The following COL6A3 variants were observed in gnomAD, a reference collection of about 807,000 sequenced individuals.
The protein encoded by COL6A3 is collagen alpha-3(VI) chain.
A neutral mutation model predicts 274.1 loss-of-function variants in COL6A3; 137 were observed. That is an observed-to-expected ratio of 0.50 (90% CI 0.44 to 0.58). COL6A3 has a LOEUF of 0.58. Among genes scored for constraint, COL6A3 ranks in the 20% least tolerant of loss-of-function variants. COL6A3 has a pLI of 0.00. For missense variants in COL6A3, 3,950 were observed against 4,124.9 expected (o/e 0.96, Z 1.16); for synonymous variants, 1,650 against 1,650.6 (o/e 1.00, Z 0.01).
intron 3 of COL6A3, 130 bp from the exon 4 acceptor site, chr2:237,388,314 T>C: frequency 3.5e-6 from 4 of 1,148,974 alleles, no homozygotes; most frequent in Non-Finnish European, 5.1e-6. Context: ...AAACACATGT[T>C]GATGAAGGAA....
Position 237,361,955 on chromosome 2 carries a change from C to T in COL6A3, c.6064-124G>A. On this transcript the variant is annotated intron_variant, in intron 14 of 43. Coordinates refer to ENST00000295550, the MANE Select transcript of COL6A3 (RefSeq NM_004369.4). The surrounding 1 kb of genome is among the most constrained non-coding windows in gnomAD (Gnocchi z 5.1). ...TTCACGGTGTGAGATGAAGTCCCTC[C>T]AGGTGACATTTGCTGGACGACTGAC... is the stretch of plus-strand genomic sequence containing the variant. 1.2e-6 allele frequency: 1 copy of T among 859,816 alleles called. No homozygotes were observed. The highest frequency in any genetic ancestry group is 1.9e-6 in the Non-Finnish European group (1 of 513,220). 53.3% of individuals were successfully genotyped at this position (859,816 alleles called of 1,614,324 possible).
chr2:237,366,601 C>G (rs752699832), intron 11 of COL6A3, 86 bp downstream of exon 11: 4 of 1,605,452 alleles, frequency 2.5e-6, no homozygotes, highest in Non-Finnish European at 3.4e-6. Context: ...CTAAGGACTC[C>G]AGAGGTCAGC....
At chr2:237,355,000 C>T (rs771802238) in intron 23 of COL6A3, 66 bp from the exon 24 acceptor site, 2 of 1,408,776 alleles carry the variant, frequency 1.4e-6, no homozygotes, top group Non-Finnish European at 2.0e-6. Context: ...GGGCCTAGAG[C>T]TCTTTCAGAC....
chr2:237,333,574 C>T (rs765973082), intron 41 of COL6A3, 26 bp from the exon 42 acceptor site: 5 of 1,592,708 alleles, frequency 3.1e-6, no homozygotes, highest in Non-Finnish European at 4.3e-6. Flanking sequence ...ATATGCAACT[C>T]GTAGGTAAAT....
intron 20 of COL6A3, among the ~76,000 whole-genome samples, 188 bp downstream of exon 20, chr2:237,358,847 C>T (rs906667099): frequency 3.3e-5 from 5 of 152,022 alleles, no homozygotes; most frequent in Admixed American, 1.3e-4. Context: ...GATGTGATCT[C>T]GAAACAAGAA....
intron 31 of COL6A3, among the ~76,000 whole-genome samples, chr2:237,347,259 CTGAGACCTTGGCAACAGAG>C (rs2077116410): frequency 6.6e-6 from 1 of 152,006 alleles, no homozygotes; most frequent in African/African-American, 2.4e-5. Context: ...AGATGACAGA[CTGAGACCTTGGCAACAGAG>C]TGAGACCTTG....
At chr2:237,332,070 CATATATATATATAT>C (rs58082340) in intron 42 of COL6A3, among the ~76,000 whole-genome samples, 4,356 of 35,148 alleles carry the variant, frequency 0.12, 526 homozygotes, top group Non-Finnish European at 0.22. Flanking sequence ...TCTCTCTCTA[CATATATATATATAT>C]ATATATATAT....
intron 20 of COL6A3, 75 bp downstream of exon 20, chr2:237,358,960 G>T: frequency 1.9e-6 from 3 of 1,550,514 alleles, no homozygotes; most frequent in African/African-American, 1.4e-5. Context: ...TGTATATGAG[G>T]AAAGAAAATA....
chr2:237,380,181 C>T (rs553445256), intron 5 of COL6A3, among the ~76,000 whole-genome samples: 5 of 152,264 alleles, frequency 3.3e-5, no homozygotes, highest in African/African-American at 4.8e-5. Flanking sequence ...AAGCATGCAT[C>T]CAGGCAGCAT....
chr2:237,397,139 A>AAGGAAGGAGAAGG (rs2078466421), intron 1 of COL6A3, among the ~76,000 whole-genome samples: 1 of 143,388 alleles, frequency 7.0e-6, no homozygotes, highest in African/African-American at 2.7e-5. Context: ...GGAAGGAAGG[A>AAGGAAGGAGAAGG]GAAGGGAAGG....
At chr2:237,346,063 A>G (rs2077091360) in intron 32 of COL6A3, among the ~76,000 whole-genome samples, 1 of 152,236 alleles carries the variant, frequency 6.6e-6, no homozygotes, top group Non-Finnish European at 1.5e-5. Flanking sequence ...TCCTGGTGGC[A>G]GCATGACTAG....
chr2:237,405,199 G>A (rs924031179), intron 1 of COL6A3, among the ~76,000 whole-genome samples: 2 of 152,120 alleles, frequency 1.3e-5, no homozygotes, highest in Non-Finnish European at 2.9e-5. Flanking sequence ...TCCCAGGTGG[G>A]AAAAACGCCT....
rs2106405637 is a variant in COL6A3 at position 237,407,951 on chromosome 2, A to T, written c.-31+6002T>A. Among the ~76,000 whole-genome samples the T allele has an allele frequency of 6.6e-6, 1 of 152,300 alleles. No individual in the cohort carries two copies. Among genetic ancestry groups the T allele is most frequent in the African/African-American group, 2.4e-5 (1 of 41,552 alleles). ...TGCCACGTGACGCTGCTGGATCCAA[A>T]TTGGAGCTTGGCACTTATTCCTGTC... On this transcript the variant is annotated intron_variant, in intron 1 of 43. Coordinates refer to ENST00000295550, the MANE Select transcript of COL6A3 (RefSeq NM_004369.4). The surrounding 1 kb of genome is among the most constrained non-coding windows in gnomAD (Gnocchi z 4.3).
rs1269973980 is a variant in COL6A3, at chr2:237,344,654, G to T, written c.7364C>A (p.Thr2455Asn). The T allele has an allele frequency of 1.9e-6, 3 of 1,613,632 alleles. No individual in the cohort carries two copies. The highest frequency in any genetic ancestry group is 1.3e-5 in the African/African-American group (1 of 74,884). ...GGAGTCAGCAAACCGGATCTCCGTG[G>T]TCACCTCGTTGTTGTAGGTGACCAC... ...VAVVTYNNEVTTEIRFADSKR... is the reference protein window; with the variant it reads ...VAVVTYNNEVNTEIRFADSKR... The change falls in exon 36 of 44, where the codon ACC (threonine) becomes AAC (asparagine). Residue 2455 changes from threonine to asparagine, a missense_variant. Thr to Asn is a moderately conservative substitution (Grantham distance 65). This residue lies in a region of COL6A3 where 1,284 missense variants were observed against 1,349.7 expected (regional missense o/e 0.95). Transcript: ENST00000295550. The surrounding 1 kb of genome is among the most constrained non-coding windows in gnomAD (Gnocchi z 4.8).
intron 9 of COL6A3, among the ~76,000 whole-genome samples, chr2:237,370,911 A>G (rs950080231): frequency 2.6e-5 from 4 of 152,214 alleles, no homozygotes; most frequent in Non-Finnish European, 5.9e-5. Flanking sequence ...ATGAGACCAC[A>G]TTGTAACCCT....
Position 237,364,443 on chromosome 2 carries a change from G to T in COL6A3, c.5839-15C>A. 1 of 1,604,480 alleles carries T rather than the reference G, an allele frequency of 6.2e-7. No individual in the cohort carries two copies. Among genetic ancestry groups the T allele is most frequent in the Non-Finnish European group, 8.5e-7 (1 of 1,171,436 alleles). On this transcript the variant is annotated splice_polypyrimidine_tract_variant and intron_variant, in intron 12 of 43. Coordinates refer to ENST00000295550, the MANE Select transcript of COL6A3 (RefSeq NM_004369.4). This position sits in a 1 kb window ranked among gnomAD's most constrained non-coding sequence, Gnocchi z 4.6. ...TGAATGACCACCTGCAGATAAGAGA[G>T]CTGTCAAATCCCAGGAAAACTAAAA...
At chr2:237,354,988 TG>T (rs1433177444) in intron 23 of COL6A3, 54 bp from the exon 24 acceptor site, 30 of 1,535,194 alleles carry the variant, frequency 2.0e-5, no homozygotes, top group Non-Finnish European at 2.4e-5. Context: ...ACGCTGGGCA[TG>T]GGGCCTAGAG....
rs373465470 is a variant in COL6A3 at position 237,334,602 on chromosome 2, G to A, written c.9229+24C>T. 5.1e-5 allele frequency: 82 copies of A among 1,611,766 alleles called. No individual in the cohort carries two copies. In the African/African-American group the frequency reaches 7.6e-4, roughly 15 times the overall value. On this transcript the variant is annotated intron_variant, in intron 41 of 43. Transcript: ENST00000295550. The stretch of plus-strand genomic sequence containing the variant: ...ATACTCTACATAGAAATCAGGTACC[G>A]ACTTGTACTGATCATGTACTTACTT...
In COL6A3 at chr2:237,366,963, G is replaced by T. The variant is rs578249894; in HGVS notation, c.5224C>A (p.Arg1742=). 6.2e-7 allele frequency: 1 copy of T among 1,614,230 alleles called. No homozygotes were observed. The highest frequency in any genetic ancestry group is 1.7e-5 in the Admixed American group (1 of 60,024). Residue 1742 remains arginine (R), a synonymous_variant, in exon 11 of 44, where the codon CGG becomes AGG. Coordinates refer to ENST00000295550, the MANE Select transcript of COL6A3 (RefSeq NM_004369.4). ...VPEAGSRLDQ[R]VPQIAFVITG... ...ATCACAAAGGCAATCTGAGGGACCCGCTGGTCCAGGCGGCTGCCTGCCTCA... is the reference window on the plus strand; with the variant it reads ...ATCACAAAGGCAATCTGAGGGACCCTCTGGTCCAGGCGGCTGCCTGCCTCA...
Sources: allele counts gnomAD v4.1 joint callset (sites outside exome capture counted in the v4.1 genomes callset), GRCh38; gene constraint gnomAD v4.1.1; regional missense constraint gnomAD v4.1.1; non-coding constraint Gnocchi (gnomAD v3.1); transcripts MANE v1.5; gene names NCBI Gene and HGNC (gene_info 2026-07-23, HGNC 2026-07-21).